Variants in APBB2 observed in about 807,000 individuals in gnomAD.
The protein encoded by APBB2 is Fe65-like 1.
A neutral mutation model predicts 82.5 loss-of-function variants in APBB2; 38 were observed. The ratio of observed to expected loss-of-function variants is 0.46; its 90% CI spans 0.36 to 0.60. The LOEUF (loss-of-function observed/expected upper bound fraction) is 0.60. Ranked by LOEUF, APBB2 falls within the 20% of genes least tolerant of loss-of-function variation. The probability of loss-of-function intolerance (pLI) is 0.00; values close to 1 mark genes in which losing one functional copy is unlikely to be tolerated. For missense variants in APBB2, 772 were observed against 972.3 expected (o/e 0.79, Z 2.74); for synonymous variants, 341 against 368.2 (o/e 0.93, Z 0.85).
At chr4:41,194,818 C>G in intron 1 of APBB2, among the ~76,000 whole-genome samples, 1 of 152,070 alleles carries the variant, frequency 6.6e-6, no homozygotes. Flanking sequence ...AAGATAAAAT[C>G]TAAGGAATAC....
intron 4 of APBB2, among the ~76,000 whole-genome samples, chr4:41,033,692 GA>G (rs146997747): frequency 5.4e-5 from 8 of 147,380 alleles, no homozygotes; most frequent in African/African-American, 2.0e-4. Flanking sequence ...CATCTGTTTA[GA>G]AAAAAAGTGA....
At chr4:41,049,093 G>T (rs1326210372) in intron 4 of APBB2, among the ~76,000 whole-genome samples, 17 of 151,630 alleles carry the variant, frequency 1.1e-4, no homozygotes, top group Admixed American at 1.1e-3. Flanking sequence ...ACCCCGTCTG[G>T]GAAGTGAGGA....
At chr4:40,941,295 T>C (rs112045890) in intron 7 of APBB2, among the ~76,000 whole-genome samples, 33 of 152,288 alleles carry the variant, frequency 2.2e-4, no homozygotes, top group African/African-American at 7.0e-4. Context: ...ACCAAAGAAA[T>C]GGTGTTAGAA....
intron 4 of APBB2, among the ~76,000 whole-genome samples, chr4:41,061,034 C>T (rs1424728877): frequency 1.3e-5 from 2 of 152,162 alleles, no homozygotes; most frequent in African/African-American, 4.8e-5. Context: ...TAAACATTTT[C>T]AGCAGGGAAG....
At chr4:41,114,702 T>A (rs1032990325) in intron 2 of APBB2, among the ~76,000 whole-genome samples, 3 of 152,164 alleles carry the variant, frequency 2.0e-5, no homozygotes, top group African/African-American at 7.2e-5. Flanking sequence ...AGCCAAATCA[T>A]AAGTGAACTC....
chr4:40,950,602 C>T (rs990195874), intron 6 of APBB2, among the ~76,000 whole-genome samples: 11 of 150,698 alleles, frequency 7.3e-5, no homozygotes, highest in Non-Finnish European at 1.5e-4. Context: ...TATCCTAGCA[C>T]GTTGGGAGGC....
intron 10 of APBB2, among the ~76,000 whole-genome samples, chr4:40,930,349 T>TAAA (rs1783762963): frequency 1.3e-5 from 2 of 152,076 alleles, no homozygotes; most frequent in African/African-American, 4.8e-5. Context: ...TACAAAGACT[T>TAAA]TACTGCATAA....
chr4:41,213,875 C>A (rs1400943646), intron 1 of APBB2, among the ~76,000 whole-genome samples: 2 of 152,358 alleles, frequency 1.3e-5, no homozygotes, highest in South Asian at 2.1e-4. Context: ...CCAACCCCGG[C>A]TCCAACTCCC....
intron 10 of APBB2, among the ~76,000 whole-genome samples, chr4:40,913,220 C>T (rs1407288496): frequency 1.3e-5 from 2 of 152,186 alleles, no homozygotes; most frequent in African/African-American, 4.8e-5. Context: ...GGGGTCAGAG[C>T]TGGGACGCTG....
intron 6 of APBB2, among the ~76,000 whole-genome samples, chr4:40,948,037 G>A (rs1788934013): frequency 6.6e-6 from 1 of 152,186 alleles, no homozygotes; most frequent in Non-Finnish European, 1.5e-5. Context: ...TGACTCCCAA[G>A]ACTTACTAAC....
intron 7 of APBB2, among the ~76,000 whole-genome samples, chr4:40,940,266 G>A (rs1432149611): frequency 1.3e-5 from 2 of 152,126 alleles, no homozygotes; most frequent in Non-Finnish European, 2.9e-5. Context: ...TTTTGAGGAA[G>A]GGACATGCAA....
chr4:41,007,391 T>G (rs144369305), intron 6 of APBB2, among the ~76,000 whole-genome samples: 1 of 152,076 alleles, frequency 6.6e-6, no homozygotes, highest in African/African-American at 2.4e-5. Flanking sequence ...CATTATAAAT[T>G]ATCCAGTCTC....
chr4:41,201,972 G>A (rs925815574), intron 1 of APBB2, among the ~76,000 whole-genome samples: 6 of 152,288 alleles, frequency 3.9e-5, no homozygotes, highest in African/African-American at 1.2e-4. Context: ...CCAGCTCCTG[G>A]GGTCTGTGAC....
chr4:41,025,421 G>C (rs375643183), intron 5 of APBB2, among the ~76,000 whole-genome samples: 182 of 152,168 alleles, frequency 1.2e-3, no homozygotes, highest in African/African-American at 4.2e-3. Context: ...GTGTGAATTA[G>C]TTCAACTGTT....
intron 2 of APBB2, among the ~76,000 whole-genome samples, chr4:41,103,714 A>G (rs1237512132): frequency 6.6e-6 from 1 of 152,142 alleles, no homozygotes; most frequent in Non-Finnish European, 1.5e-5. Flanking sequence ...CTTTCTTTAT[A>G]TTTTGCATTA....
chr4:41,211,468 C>CTTAT (rs913592806), intron 1 of APBB2, among the ~76,000 whole-genome samples: 2 of 135,184 alleles, frequency 1.5e-5, no homozygotes, highest in African/African-American at 5.5e-5. Context: ...TATTTATTTA[C>CTTAT]TTATTTATTT....
At chr4:40,843,158 C>A (rs1199804151) in intron 12 of APBB2, among the ~76,000 whole-genome samples, 1 of 152,178 alleles carries the variant, frequency 6.6e-6, no homozygotes, top group Non-Finnish European at 1.5e-5. Context: ...GCACCGTACA[C>A]AGAGCAACTA....
At chr4:41,161,612 G>C (rs1379667508) in intron 1 of APBB2, among the ~76,000 whole-genome samples, 7 of 151,940 alleles carry the variant, frequency 4.6e-5, no homozygotes, top group Non-Finnish European at 1.0e-4. Flanking sequence ...TCTCTAAAAA[G>C]ATAAAAATAA....
rs375374677 is a variant in APBB2, at chr4:40,944,997, G to A, written c.912C>T (p.Ala304=). The change falls in exon 7 of 18, where the codon GCC becomes GCT. Residue 304 remains alanine (A), a synonymous_variant. Coordinates refer to ENST00000508593, the MANE Select transcript of APBB2 (RefSeq NM_004307.2). ...TTGGGATGTGCCAATAATAGGTCCC[G>A]GCAATGTCACTGACTCTTTTCCAGC... ...PPGWKRVSDI[A]GTYYWHIPTG... 21 of 1,611,504 alleles carry A rather than the reference G, an allele frequency of 1.3e-5. No individual in the cohort carries two copies. The highest frequency in any genetic ancestry group is 8.1e-5 in the African/African-American group (6 of 74,450).
Sources: gnomAD v4.1 joint callset for allele counts (sites outside exome capture counted in the v4.1 genomes callset) on GRCh38, gnomAD v4.1.1 for gene constraint, MANE v1.5 for transcripts, NCBI Gene and HGNC (gene_info 2026-07-23, HGNC 2026-07-21) for gene names.